Variants in MAGI2 observed in about 807,000 individuals in gnomAD.
The protein encoded by MAGI2 is membrane associated guanylate kinase, WW and PDZ domain containing 2.
MAGI2 carries 35 observed loss-of-function variants against 133.3 expected under a neutral mutation model. That is an observed-to-expected ratio of 0.26 (90% CI 0.20 to 0.35). The LOEUF (loss-of-function observed/expected upper bound fraction) is 0.35, where lower values mean the gene tolerates loss of function less well. MAGI2 is among the 10% of genes least tolerant of loss of function. The pLI, the probability that MAGI2 is intolerant of heterozygous loss-of-function variation, is 1.00. For synonymous variants in MAGI2, 729 were observed against 710.6 expected (o/e 1.03, Z -0.41); for missense variants, 1,636 against 1,863.4 (o/e 0.88, Z 2.25).
At chr7:78,022,988 A>C (rs1414289143) in intron 21 of MAGI2, among the ~76,000 whole-genome samples, 3 of 152,262 alleles carry the variant, frequency 2.0e-5, no homozygotes, top group Non-Finnish European at 4.4e-5. Flanking sequence ...TTACTATATC[A>C]CAAAGTGATT....
intron 4 of MAGI2, among the ~76,000 whole-genome samples, chr7:78,514,086 C>CAAAA (rs67534111): frequency 4.4e-4 from 21 of 47,194 alleles, no homozygotes; most frequent in African/African-American, 1.1e-3. Context: ...GAAACTGTCT[C>CAAAA]AAAAAAAAAA....
In MAGI2 at chr7:78,267,300, G is replaced by T. The variant is rs114423788; in HGVS notation, c.1409-10719C>A. Among the ~76,000 whole-genome samples the T allele has an allele frequency of 5.3e-3, 810 of 152,276 alleles. 7 individuals carry two copies. The highest frequency in any genetic ancestry group is 0.019 in the African/African-American group (774 of 41,542). On this transcript the variant is annotated intron_variant, in intron 9 of 21. Coordinates refer to ENST00000354212, the MANE Select transcript of MAGI2 (RefSeq NM_012301.4). ...TTAAGTTGCTGAGCTTCATAAAATG[G>T]CTGGCAGAAAGAACAAATGTGCCAT... is the stretch of plus-strand genomic sequence containing the variant.
intron 1 of MAGI2, among the ~76,000 whole-genome samples, chr7:79,422,053 G>A (rs1191541772): frequency 6.6e-6 from 1 of 151,968 alleles, no homozygotes; most frequent in Admixed American, 6.6e-5. Context: ...TCTGAAGAAT[G>A]ATATTGAAAT....
chr7:78,298,551 T>C (rs1379092071), intron 9 of MAGI2, among the ~76,000 whole-genome samples: 2 of 152,192 alleles, frequency 1.3e-5, no homozygotes, highest in Non-Finnish European at 2.9e-5. Context: ...TCACCCAGCA[T>C]GAAATGCAAT....
At chr7:78,453,587 AACAT>A (rs1367479448) in intron 6 of MAGI2, among the ~76,000 whole-genome samples, 2 of 152,142 alleles carry the variant, frequency 1.3e-5, no homozygotes, top group East Asian at 1.9e-4. Flanking sequence ...CTTCACTTGA[AACAT>A]CACTGACATG....
At chr7:78,950,258 A>T (rs574118051) in intron 2 of MAGI2, among the ~76,000 whole-genome samples, 1 of 152,268 alleles carries the variant, frequency 6.6e-6, no homozygotes, top group South Asian at 2.1e-4. Flanking sequence ...ACCCCTGCTA[A>T]CACATATCCC....
rs115561060 is a variant in MAGI2, at chr7:78,452,980, G to A, written c.1045+36781C>T. On this transcript the variant is annotated intron_variant, in intron 6 of 21. Transcript: ENST00000354212. ...CACTTGCTTTTATGTCAAAACTAAA[G>A]AAATAATTTTTGAAATTTTTTTTAC... Among the ~76,000 whole-genome samples, 712 of 152,016 alleles carry A rather than the reference G, an allele frequency of 4.7e-3. 6 individuals carry two copies. The highest frequency in any genetic ancestry group is 0.016 in the African/African-American group (681 of 41,496).
intron 3 of MAGI2, among the ~76,000 whole-genome samples, chr7:78,588,719 T>C (rs1364702240): frequency 6.6e-6 from 1 of 152,218 alleles, no homozygotes; most frequent in East Asian, 1.9e-4. Flanking sequence ...ATTAACAAGC[T>C]AGAATCAACA....
At chr7:78,598,345 G>A (rs1804834656) in intron 3 of MAGI2, among the ~76,000 whole-genome samples, 1 of 152,034 alleles carries the variant, frequency 6.6e-6, no homozygotes, top group Non-Finnish European at 1.5e-5. Context: ...GAGTTAGTCT[G>A]GTACGGGGAG....
At chr7:78,612,488 G>A (rs1806555869) in intron 3 of MAGI2, among the ~76,000 whole-genome samples, 1 of 151,964 alleles carries the variant, frequency 6.6e-6, no homozygotes, top group Non-Finnish European at 1.5e-5. Flanking sequence ...TAGAAAACAA[G>A]AATAAATGAA....
chr7:78,998,784 T>C (rs1806570386), intron 2 of MAGI2, among the ~76,000 whole-genome samples: 1 of 152,170 alleles, frequency 6.6e-6, no homozygotes, highest in African/African-American at 2.4e-5. Flanking sequence ...TCTATTCCTT[T>C]CCTTCAGCAA....
chr7:79,356,419 C>T (rs1842022111), intron 1 of MAGI2, among the ~76,000 whole-genome samples: 1 of 152,092 alleles, frequency 6.6e-6, no homozygotes, highest in Non-Finnish European at 1.5e-5. Context: ...GCAGTGTTTG[C>T]TCTCTAAAAT....
intron 1 of MAGI2, among the ~76,000 whole-genome samples, chr7:79,016,034 A>G: frequency 6.7e-6 from 1 of 149,298 alleles, no homozygotes; most frequent in Non-Finnish European, 1.5e-5. Context: ...GGCAAGGAGC[A>G]ACACATTCTC....
chr7:79,376,816 TTGTGTG>T (rs140364258), intron 1 of MAGI2, among the ~76,000 whole-genome samples: 1 of 79,874 alleles, frequency 1.3e-5, no homozygotes, highest in Non-Finnish European at 2.6e-5. Flanking sequence ...AAGAGAGGAT[TTGTGTG>T]TGTGTGTGTG....
chr7:79,392,744 T>C (rs919655690), intron 1 of MAGI2, among the ~76,000 whole-genome samples: 3 of 152,184 alleles, frequency 2.0e-5, no homozygotes, highest in African/African-American at 7.2e-5. Flanking sequence ...TTTTAAGTGG[T>C]ATTTTAAAAC....
chr7:78,805,451 G>A (rs1788496792), intron 2 of MAGI2, among the ~76,000 whole-genome samples: 1 of 152,092 alleles, frequency 6.6e-6, no homozygotes, highest in Non-Finnish European at 1.5e-5. Flanking sequence ...GAGGAAGAAA[G>A]TGGGTAGAAT....
chr7:78,206,735 C>G (rs1201648771), intron 10 of MAGI2, among the ~76,000 whole-genome samples: 2 of 152,154 alleles, frequency 1.3e-5, no homozygotes, highest in Admixed American at 6.5e-5. Context: ...TTTGCTAGAA[C>G]ATATGATTCT....
At chr7:78,075,639 A>G (rs536596304) in intron 21 of MAGI2, among the ~76,000 whole-genome samples, 36 of 151,968 alleles carry the variant, frequency 2.4e-4, no homozygotes, top group African/African-American at 8.4e-4. Flanking sequence ...GCCTCCCAAA[A>G]TGCTGGGATT....
intron 9 of MAGI2, among the ~76,000 whole-genome samples, chr7:78,278,537 G>T (rs1434618103): frequency 6.6e-6 from 1 of 152,128 alleles, no homozygotes; most frequent in Non-Finnish European, 1.5e-5. Context: ...ATAGTTTTAT[G>T]TGTCAAGTTG....
Sources: gnomAD v4.1 joint callset for allele counts (sites outside exome capture counted in the v4.1 genomes callset) on GRCh38, gnomAD v4.1.1 for gene constraint, MANE v1.5 for transcripts, NCBI Gene and HGNC (gene_info 2026-07-23, HGNC 2026-07-21) for gene names.